Variants in GALNT17 observed in about 807,000 individuals in gnomAD.
GALNT17 encodes the protein UDP-GalNAc:polypeptide N-acetylgalactosaminyltransferase-like 3.
A neutral mutation model predicts 63.7 loss-of-function variants in GALNT17; 29 were observed. The observed-to-expected ratio is 0.46, with a 90% CI of 0.34 to 0.62. GALNT17 has a LOEUF of 0.62. GALNT17 is among the 20% of genes least tolerant of loss of function. GALNT17 has a pLI of 0.01. For synonymous variants in GALNT17, 305 were observed against 318.3 expected (o/e 0.96, Z 0.45); for missense variants, 603 against 799.6 (o/e 0.75, Z 2.97).
chr7:71,144,326 C>T (rs542511876), intron 1 of GALNT17, among the ~76,000 whole-genome samples: 8 of 152,238 alleles, frequency 5.3e-5, no homozygotes, highest in South Asian at 2.1e-4. Context: ...TCCTGGGGAA[C>T]GTCCCACCTT....
At chr7:71,288,180 C>T (rs1040417932) in intron 1 of GALNT17, among the ~76,000 whole-genome samples, 1 of 132,920 alleles carries the variant, frequency 7.5e-6, no homozygotes, top group Non-Finnish European at 1.5e-5. Flanking sequence ...TGCACCACTG[C>T]ACTCTAGCCT....
chr7:71,188,784 C>T (rs1788898508), intron 1 of GALNT17, among the ~76,000 whole-genome samples: 1 of 152,030 alleles, frequency 6.6e-6, no homozygotes, highest in Admixed American at 6.6e-5. Flanking sequence ...TTTTGGGTTC[C>T]CAAGTCACTT....
chr7:71,311,940 G>A (rs1791420792), intron 1 of GALNT17, among the ~76,000 whole-genome samples: 1 of 152,148 alleles, frequency 6.6e-6, no homozygotes, highest in Non-Finnish European at 1.5e-5. Context: ...CCGGATTGAA[G>A]ACTGGTTGAA....
chr7:71,578,672 G>A (rs1789578972), intron 6 of GALNT17, among the ~76,000 whole-genome samples: 1 of 152,126 alleles, frequency 6.6e-6, no homozygotes, highest in Non-Finnish European at 1.5e-5. Context: ...ATCTGGAATA[G>A]CCAAAGCCCC....
At chr7:71,646,665 T>C (rs1324022038) in intron 6 of GALNT17, among the ~76,000 whole-genome samples, 1 of 151,876 alleles carries the variant, frequency 6.6e-6, no homozygotes, top group Admixed American at 6.6e-5. Flanking sequence ...CTCCTATGCT[T>C]GGACCATGCT....
intron 1 of GALNT17, chr7:71,300,274 A>G (rs1295458833): frequency 3.3e-6 from 1 of 306,628 alleles, no homozygotes; most frequent in African/African-American, 2.2e-5. Context: ...TGCTTTCATG[A>G]AAGAGAGGAA....
Position 71,377,114 on chromosome 7 carries a change from A to AAATATATATATAT in GALNT17, c.423-11120_423-11119insATATATATATATA. Among the ~76,000 whole-genome samples the AAATATATATATAT allele has an allele frequency of 1.1e-3, 65 of 57,450 alleles. 7 individuals are homozygous for AAATATATATATAT. The highest frequency in any genetic ancestry group is 1.5e-3 in the Non-Finnish European group (51 of 33,266). 37.7% of individuals were successfully genotyped at this position (57,450 alleles called of 152,430 possible). Reference sequence around the variant, plus strand: ...AAAAAAAAAAAATAAAAATAAAAAAAATATATATATATATATATATATATA... The same window carrying AAATATATATATAT: ...AAAAAAAAAAAATAAAAATAAAAAAAAATATATATATATATATATATATATATATATATATATA... On this transcript the variant is annotated intron_variant, in intron 2 of 10. Coordinates refer to ENST00000333538, the MANE Select transcript of GALNT17 (RefSeq NM_022479.3).
intron 1 of GALNT17, among the ~76,000 whole-genome samples, chr7:71,163,653 A>G (rs1788387257): frequency 6.6e-6 from 1 of 152,174 alleles, no homozygotes. Flanking sequence ...GTTTGCGATG[A>G]AGAGAGAATG....
At chr7:71,646,764 T>TTTG (rs1790681886) in intron 6 of GALNT17, among the ~76,000 whole-genome samples, 1 of 150,322 alleles carries the variant, frequency 6.7e-6, no homozygotes. Flanking sequence ...TTTTTTTTTT[T>TTTG]GAGATAGAGT....
intron 5 of GALNT17, among the ~76,000 whole-genome samples, chr7:71,503,368 G>A (rs1305227105): frequency 1.3e-5 from 2 of 152,264 alleles, no homozygotes; most frequent in South Asian, 2.1e-4. Context: ...AGCCTCCCGA[G>A]TAGCTGGGAC....
intron 9 of GALNT17, among the ~76,000 whole-genome samples, chr7:71,701,914 T>C (rs892549968): frequency 2.1e-4 from 23 of 111,958 alleles, no homozygotes; most frequent in Admixed American, 7.8e-4. Context: ...TATATATACA[T>C]ATATATATGT....
intron 1 of GALNT17, among the ~76,000 whole-genome samples, chr7:71,247,289 A>G (rs537974516): frequency 6.6e-6 from 1 of 152,342 alleles, no homozygotes; most frequent in Admixed American, 6.5e-5. Flanking sequence ...AGACAAAAAT[A>G]CTAACCTCGT....
chr7:71,625,265 C>T (rs903669482), intron 6 of GALNT17, among the ~76,000 whole-genome samples: 2 of 152,156 alleles, frequency 1.3e-5, no homozygotes, highest in Non-Finnish European at 2.9e-5. Flanking sequence ...CTGACTCAGC[C>T]TCCCGAGTAG....
At chr7:71,148,470 T>G (rs540085479) in intron 1 of GALNT17, among the ~76,000 whole-genome samples, 1 of 152,270 alleles carries the variant, frequency 6.6e-6, no homozygotes, top group East Asian at 1.9e-4. Context: ...TTCAAGAGAA[T>G]AGTTGCTTTC....
intron 3 of GALNT17, among the ~76,000 whole-genome samples, chr7:71,412,167 T>C (rs558199575): frequency 3.9e-5 from 6 of 152,300 alleles, no homozygotes; most frequent in Non-Finnish European, 8.8e-5. Flanking sequence ...TAGCTGGGCA[T>C]GGTGGTGCAC....
At chr7:71,614,564 G>A (rs1416469972) in intron 6 of GALNT17, among the ~76,000 whole-genome samples, 2 of 151,968 alleles carry the variant, frequency 1.3e-5, no homozygotes, top group East Asian at 2.0e-4. Flanking sequence ...AAGCTGCAAC[G>A]AGCAGTGATC....
chr7:71,331,970 A>G lies in GALNT17; in HGVS notation c.239-3580A>G, dbSNP rs200085093. Among the ~76,000 whole-genome samples the G allele has an allele frequency of 1.8e-4, 27 of 152,162 alleles. No homozygotes were observed. The East Asian group carries it at 4.6e-3, about 26-fold the overall frequency. ...TCAGATCTTGTTACTTTCCTTCTTT[A>G]TTTGTCACTTATAGATAAAAAGCTA... On this transcript the variant is annotated intron_variant, in intron 1 of 10. Coordinates refer to ENST00000333538, the MANE Select transcript of GALNT17 (RefSeq NM_022479.3).
chr7:71,670,162 G>C, intron 8 of GALNT17, 53 bp downstream of exon 8: 1 of 1,610,376 alleles, frequency 6.2e-7, no homozygotes, highest in Non-Finnish European at 8.5e-7. Context: ...ATATGCTGTG[G>C]GTTGCTTCGC....
chr7:71,226,568 C>G (rs1789683847), intron 1 of GALNT17, among the ~76,000 whole-genome samples: 1 of 152,112 alleles, frequency 6.6e-6, no homozygotes, highest in African/African-American at 2.4e-5. Context: ...CAACCTCTGC[C>G]TCCCGGTTTC....
Sources: allele counts gnomAD v4.1 joint callset (sites outside exome capture counted in the v4.1 genomes callset), GRCh38; gene constraint gnomAD v4.1.1; transcripts MANE v1.5; gene names NCBI Gene and HGNC (gene_info 2026-07-23, HGNC 2026-07-21).